Variants in GYG1 observed in about 807,000 individuals in gnomAD.
GYG1 encodes the protein glycogenin-1.
Under a neutral mutation model 41.9 loss-of-function variants are expected in GYG1, and 44 were observed. The ratio of observed to expected loss-of-function variants is 1.05; its 90% CI spans 0.83 to 1.35. The LOEUF (loss-of-function observed/expected upper bound fraction) is 1.35, where lower values mean the gene tolerates loss of function less well. Ranked by LOEUF, GYG1 falls within the 40% of genes most tolerant of loss-of-function variation. The pLI is 0.00. For missense variants in GYG1, 429 were observed against 418.9 expected (o/e 1.02, Z -0.21); for synonymous variants, 141 against 158.1 (o/e 0.89, Z 0.81).
chr3:149,010,353 A>G (rs13060151), intron 5 of GYG1, among the ~76,000 whole-genome samples: 4 of 146,140 alleles, frequency 2.7e-5, no homozygotes, highest in African/African-American at 1.0e-4. Context: ...TTTGAGACGA[A>G]GTCTCACTTT....
At position 149,009,276 on chromosome 3, in the gene GYG1, G is replaced by A. The variant is rs1363319169; in HGVS notation, c.482G>A (p.Gly161Asp). 6.2e-6 allele frequency: 10 copies of A among 1,610,048 alleles called. No individual in the cohort carries two copies. Among genetic ancestry groups the A allele is most frequent in the Non-Finnish European group, 8.5e-6 (10 of 1,176,688 alleles). The change falls in exon 5 of 8, where the codon GGT (glycine) becomes GAT (aspartate). Residue 161 changes from glycine to aspartate, a missense_variant and splice_region_variant. Coordinates refer to ENST00000345003, the MANE Select transcript of GYG1 (RefSeq NM_004130.4). ...HLASEQGSFD[G>D]GDQGILNTFF... ...TAATTTATATATTTTTTTCTTTTAG[G>A]TGGGGACCAAGGCATACTGAACACA...
chr3:149,018,429 G>C (rs938442891), intron 5 of GYG1, among the ~76,000 whole-genome samples: 1 of 152,108 alleles, frequency 6.6e-6, no homozygotes, highest in Non-Finnish European at 1.5e-5. Flanking sequence ...CCATTGTTCG[G>C]TCCAGGCAGA....
At position 149,012,749 on chromosome 3, in the gene GYG1, A is replaced by G. The variant is rs73866935; in HGVS notation, c.608+3347A>G. Among the ~76,000 whole-genome samples, 614 of 152,190 alleles carry G rather than the reference A, an allele frequency of 4.0e-3. 4 individuals are homozygous for G. Among genetic ancestry groups the G allele is most frequent in the African/African-American group, 0.014 (583 of 41,524 alleles). On this transcript the variant is annotated intron_variant, in intron 5 of 7. Transcript: ENST00000345003. The stretch of plus-strand genomic sequence containing the variant: ...AAGGGAAGATCCTCTTTAACACGGC[A>G]TAATTTGAAAATTAAAATGCTTGGT...
chr3:149,016,020 T>G (rs1368185714), intron 5 of GYG1, among the ~76,000 whole-genome samples: 1 of 151,498 alleles, frequency 6.6e-6, no homozygotes, highest in Non-Finnish European at 1.5e-5. Context: ...CCCAGCACTT[T>G]GAGAGGCCGC....
intron 5 of GYG1, among the ~76,000 whole-genome samples, chr3:149,010,762 A>AC (rs1443925239): frequency 6.6e-6 from 1 of 152,182 alleles, no homozygotes; most frequent in Non-Finnish European, 1.5e-5. Context: ...GATTTCTTGA[A>AC]CAGGGGACTA....
At chr3:149,006,187 GTTC>G (rs1559837997) in intron 4 of GYG1, among the ~76,000 whole-genome samples, 2 of 148,658 alleles carry the variant, frequency 1.3e-5, no homozygotes, top group Admixed American at 6.9e-5. Flanking sequence ...GGTTCCAGCT[GTTC>G]TTCTGCCTCA....
intron 5 of GYG1, among the ~76,000 whole-genome samples, chr3:149,023,066 T>C (rs1227210584): frequency 1.3e-5 from 2 of 152,200 alleles, no homozygotes; most frequent in African/African-American, 2.4e-5. Context: ...TCTGATGATC[T>C]CAGCAGGGTT....
At chr3:149,002,786 C>T (rs967638796) in intron 4 of GYG1, among the ~76,000 whole-genome samples, 1 of 152,134 alleles carries the variant, frequency 6.6e-6, no homozygotes, top group Admixed American at 6.5e-5. Context: ...TTCGGAAGGC[C>T]AAGGCAGGTG....
Position 148,996,807 on chromosome 3 carries a change from G to A in GYG1, c.384G>A (p.Trp128Ter), listed in dbSNP as rs774778687. ...EELSAAPDPG[W>*]PDCFNSGVFV... The stretch of plus-strand genomic sequence containing the variant: ...TGTCAGCAGCACCAGACCCAGGGTG[G>A]CCTGACTGCTTCAATTCCGGAGTCT... Residue 128 changes from tryptophan (W) to a stop codon, truncating the protein, a stop_gained, in exon 4 of 8, where the codon TGG becomes TGA. Coordinates refer to ENST00000345003, the MANE Select transcript of GYG1 (RefSeq NM_004130.4). LOFTEE classifies it high-confidence loss of function. The A allele has an allele frequency of 6.2e-6, 10 of 1,613,038 alleles. No homozygotes were observed. Among genetic ancestry groups the A allele is most frequent in the Non-Finnish European group, 8.5e-6 (10 of 1,179,102 alleles).
chr3:149,002,249 G>C (rs1402443073), intron 4 of GYG1, among the ~76,000 whole-genome samples: 1 of 152,136 alleles, frequency 6.6e-6, no homozygotes, highest in Admixed American at 6.5e-5. Flanking sequence ...CCTCTATAAA[G>C]TTTATATTCT....
chr3:149,013,357 C>T (rs1160199942), intron 5 of GYG1, among the ~76,000 whole-genome samples: 2 of 152,082 alleles, frequency 1.3e-5, no homozygotes, highest in African/African-American at 2.4e-5. Flanking sequence ...CGTTTAGTTT[C>T]ATTTTTGCTT....
At chr3:149,017,808 T>G (rs1433508740) in intron 5 of GYG1, among the ~76,000 whole-genome samples, 1 of 151,186 alleles carries the variant, frequency 6.6e-6, no homozygotes, top group African/African-American at 2.4e-5. Context: ...AGACAGGGTT[T>G]CACTGTGTTG....
chr3:149,010,277 GTTGTTT>G (rs1433938130), intron 5 of GYG1, among the ~76,000 whole-genome samples: 2 of 151,008 alleles, frequency 1.3e-5, no homozygotes, highest in Non-Finnish European at 2.9e-5. Context: ...GTGGACATTT[GTTGTTT>G]TTGGTAACGT....
intron 1 of GYG1, among the ~76,000 whole-genome samples, chr3:148,993,311 T>C (rs946906607): frequency 1.2e-4 from 4 of 32,756 alleles, no homozygotes; most frequent in African/African-American, 4.1e-4. Flanking sequence ...TCTGTTGGTT[T>C]GGGCGGGGGG....
At chr3:149,021,806 C>T (rs1469845832) in intron 5 of GYG1, among the ~76,000 whole-genome samples, 2 of 151,464 alleles carry the variant, frequency 1.3e-5, no homozygotes, top group Non-Finnish European at 2.9e-5. Context: ...AAAGGTTACA[C>T]GAGTTTGTAT....
chr3:149,024,131 A>C lies in GYG1; in HGVS notation c.687A>C (p.Lys229Asn). ...ATTATACTTATGATCCCAAAACAAA[A>C]AGTGTCAAAAGTGAGGCCCATGATC... is the stretch of plus-strand genomic sequence containing the variant. Reference protein sequence around the residue: ...PWNYTYDPKTKSVKSEAHDPN... With the variant: ...PWNYTYDPKTNSVKSEAHDPN... The change falls in exon 6 of 8, where the codon AAA (lysine) becomes AAC (asparagine). Residue 229 changes from lysine to asparagine, a missense_variant. Transcript: ENST00000345003. The C allele has an allele frequency of 6.2e-7, 1 of 1,613,986 alleles. No individual in the cohort carries two copies. Among genetic ancestry groups the C allele is most frequent in the Non-Finnish European group, 8.5e-7 (1 of 1,179,878 alleles).
rs1157981247 is a variant in GYG1 at position 149,009,103 on chromosome 3, G to A, written c.482-173G>A. ...GAACCCAGGAGGCAGAGGTTGCAGTGAGCTGAGATCGTGCCACTGCACTCC... is the reference window on the plus strand; with the variant it reads ...GAACCCAGGAGGCAGAGGTTGCAGTAAGCTGAGATCGTGCCACTGCACTCC... On this transcript the variant is annotated intron_variant, in intron 4 of 7. Transcript: ENST00000345003. 3 of 557,574 alleles carry A rather than the reference G, an allele frequency of 5.4e-6. No individual in the cohort carries two copies. In the Admixed American group the frequency reaches 9.2e-5, roughly 17 times the overall value. 34.5% of individuals were successfully genotyped at this position (557,574 alleles called of 1,614,324 possible).
At position 149,018,109 on chromosome 3, in the gene GYG1, A is replaced by G. The variant is rs187018937; in HGVS notation, c.609-5944A>G. Among the ~76,000 whole-genome samples, 67 of 152,252 alleles carry G rather than the reference A, an allele frequency of 4.4e-4. 1 individual carries two copies. In the East Asian group the frequency reaches 0.012, roughly 28 times the overall value. On this transcript the variant is annotated intron_variant, in intron 5 of 7. Transcript: ENST00000345003. ...GCCCTTACTTCATTTTGGTATGGTA[A>G]TTCTCGATTTTCATAAATGACTAAA...
At chr3:149,008,055 T>G (rs1397910881) in intron 4 of GYG1, 1 of 152,284 alleles carries the variant, frequency 6.6e-6, no homozygotes, top group Non-Finnish European at 1.5e-5. Flanking sequence ...TCATTGTAGC[T>G]GACGCTGGCC....
Sources: allele counts gnomAD v4.1 joint callset (sites outside exome capture counted in the v4.1 genomes callset), GRCh38; gene constraint gnomAD v4.1.1; transcripts MANE v1.5; gene names NCBI Gene and HGNC (gene_info 2026-07-23, HGNC 2026-07-21).